NIM1K: variants seen among roughly 807,000 people sequenced by gnomAD.
The protein encoded by NIM1K is serine/threonine-protein kinase NIM1.
Under a neutral mutation model 37.1 loss-of-function variants are expected in NIM1K, and 35 were observed. That is an observed-to-expected ratio of 0.94 (90% CI 0.72 to 1.25). The LOEUF is 1.25. Among genes scored for constraint, NIM1K ranks in the 50% most tolerant of loss-of-function variants. The pLI, the probability that NIM1K is intolerant of heterozygous loss-of-function variation, is 0.00. For missense variants in NIM1K, 564 were observed against 548.0 expected, an observed-to-expected ratio of 1.03 and a Z score of -0.29; for synonymous variants, 234 against 206.6, an observed-to-expected ratio of 1.13 and a Z score of -1.14.
At chr5:43,259,571 G>A (rs1752997737) in intron 2 of NIM1K, among the ~76,000 whole-genome samples, 1 of 152,102 alleles carries the variant, frequency 6.6e-6, no homozygotes, top group Non-Finnish European at 1.5e-5. Flanking sequence ...TTGGCCATTT[G>A]TATGTCTTCT....
intron 2 of NIM1K, among the ~76,000 whole-genome samples, chr5:43,271,144 G>A (rs1294239617): frequency 1.3e-5 from 2 of 150,564 alleles, no homozygotes; most frequent in African/African-American, 2.4e-5. Context: ...ATTTATATAT[G>A]TGAAATACCT....
chr5:43,257,722 T>G (rs1226469265), intron 2 of NIM1K, among the ~76,000 whole-genome samples: 1 of 151,672 alleles, frequency 6.6e-6, no homozygotes, highest in Non-Finnish European at 1.5e-5. Flanking sequence ...GAGAGGGAAG[T>G]GGAGTCAAGA....
chr5:43,280,546 G>A lies in NIM1K; in HGVS notation c.1128G>A (p.Gly376=). ...ITEEHIRNNQ[G]RDARSSITGV... ...AAGAGCATATTCGAAATAACCAAGG[G>A]AGAGATGCTCGCAGCTCAATCACAG... Residue 376 remains glycine, a synonymous_variant, in exon 4 of 4, where the codon GGG becomes GGA. Coordinates refer to ENST00000326035, the MANE Select transcript of NIM1K (RefSeq NM_153361.4). 6.2e-7 allele frequency: 1 copy of A among 1,614,144 alleles called. No individual in the cohort carries two copies. Among genetic ancestry groups the A allele is most frequent in the Middle Eastern group, 1.6e-4 (1 of 6,062 alleles).
intron 1 of NIM1K, among the ~76,000 whole-genome samples, chr5:43,223,816 C>A (rs1291181273): frequency 6.6e-6 from 1 of 152,158 alleles, no homozygotes; most frequent in East Asian, 1.9e-4. Context: ...TAAATGAATT[C>A]CTGCCTGAGA....
chr5:43,243,318 T>C (rs572778570), intron 1 of NIM1K, among the ~76,000 whole-genome samples: 1 of 152,350 alleles, frequency 6.6e-6, no homozygotes, highest in Admixed American at 6.5e-5. Flanking sequence ...TTCTAGTCTG[T>C]CATAAGCTGC....
intron 1 of NIM1K, chr5:43,232,797 C>T: frequency 1.9e-6 from 2 of 1,076,194 alleles, no homozygotes; most frequent in Non-Finnish European, 2.8e-6. Flanking sequence ...ACTGTTCAGC[C>T]AGTTTACAAA....
Position 43,224,374 on chromosome 5 carries a change from G to A in NIM1K, c.-694-20708G>A, listed in dbSNP as rs540380850. ...GAGAATCGCTTGAACCCGGGAGGCA[G>A]AGGTGGCAGTGAGCTGAGATTGTGC... On this transcript the variant is annotated intron_variant, in intron 1 of 3. Transcript: ENST00000326035. 9.2e-5 allele frequency among the ~76,000 whole-genome samples: 14 copies of A among 151,570 alleles called. No individual in the cohort carries two copies. The East Asian group carries it at 2.7e-3, about 30-fold the overall frequency.
chr5:43,230,949 T>A (rs1236269003), intron 1 of NIM1K, among the ~76,000 whole-genome samples: 6 of 152,238 alleles, frequency 3.9e-5, no homozygotes, highest in African/African-American at 1.4e-4. Flanking sequence ...TATGGGTGTG[T>A]CTTGGAATAG....
intron 2 of NIM1K, among the ~76,000 whole-genome samples, chr5:43,274,885 A>C (rs1753315069): frequency 6.6e-6 from 1 of 152,234 alleles, no homozygotes; most frequent in Non-Finnish European, 1.5e-5. Context: ...TTTTGTAAGT[A>C]GGTCAAACAG....
At chr5:43,234,242 T>TTTCATTCA (rs56064948) in intron 1 of NIM1K, among the ~76,000 whole-genome samples, 6,289 of 151,238 alleles carry the variant, frequency 0.042, 188 homozygotes, top group Non-Finnish European at 0.062. Flanking sequence ...CGTGTCATTC[T>TTTCATTCA]TTCATTCATT....
chr5:43,218,988 C>T (rs1024707457), intron 1 of NIM1K, among the ~76,000 whole-genome samples: 19 of 152,042 alleles, frequency 1.2e-4, no homozygotes, highest in African/African-American at 4.3e-4. Flanking sequence ...GAAGGTTTCC[C>T]CATCGGTTCT....
rs936199927 is a variant in NIM1K at position 43,254,225 on chromosome 5, G to A, written c.292+8158G>A. Among the ~76,000 whole-genome samples, 5 of 152,166 alleles carry A rather than the reference G, an allele frequency of 3.3e-5. 1 individual carries two copies. Among genetic ancestry groups the A allele is most frequent in the African/African-American group, 7.2e-5 (3 of 41,436 alleles). On this transcript the variant is annotated intron_variant, in intron 2 of 3. Transcript: ENST00000326035. ...TATGGGTGAGAGCAGGACGGGACAT[G>A]GGAGAGGAAGAATTGACGATGACTC...
chr5:43,252,064 T>C (rs140114832), intron 2 of NIM1K, among the ~76,000 whole-genome samples: 5 of 151,764 alleles, frequency 3.3e-5, no homozygotes, highest in African/African-American at 1.2e-4. Context: ...GAGAAGTTTC[T>C]ACAAGCCGGG....
intron 2 of NIM1K, among the ~76,000 whole-genome samples, chr5:43,272,341 CCT>C (rs1287471493): frequency 6.6e-6 from 1 of 152,030 alleles, no homozygotes; most frequent in African/African-American, 2.4e-5. Flanking sequence ...AGTACATCCC[CCT>C]GTTTTATGCT....
At chr5:43,270,433 A>G (rs1753238476) in intron 2 of NIM1K, among the ~76,000 whole-genome samples, 1 of 152,228 alleles carries the variant, frequency 6.6e-6, no homozygotes, top group Non-Finnish European at 1.5e-5. Flanking sequence ...GAGAGATTCC[A>G]GTAGGTTGGA....
chr5:43,263,095 G>T lies in NIM1K; in HGVS notation c.293-13962G>T, dbSNP rs562297572. On this transcript the variant is annotated intron_variant, in intron 2 of 3. Transcript: ENST00000326035. ...TCTTTTTTTGTTGTGTCTCTTCCAG[G>T]TTTTGGTATTAGGATGTTGCTGGCC... Among the ~76,000 whole-genome samples, 19 of 152,300 alleles carry T rather than the reference G, an allele frequency of 1.2e-4. No homozygotes were observed. In the South Asian group the frequency reaches 3.9e-3, roughly 32 times the overall value.
Position 43,232,654 on chromosome 5 carries a change from G to A in NIM1K, c.-694-12428G>A, listed in dbSNP as rs1752557887. On this transcript the variant is annotated intron_variant, in intron 1 of 3. Transcript: ENST00000326035. ...TACAGCTGTGGAAACCTGGGGTGGT[G>A]AGTAAATGGAGAACTGCAGCTTGGA... is the stretch of plus-strand genomic sequence containing the variant. The A allele has an allele frequency of 3.2e-6, 5 of 1,542,388 alleles. No individual in the cohort carries two copies. In the African/African-American group the frequency reaches 5.5e-5, roughly 17 times the overall value.
intron 1 of NIM1K, among the ~76,000 whole-genome samples, chr5:43,195,872 GAA>G (rs1429902427): frequency 6.6e-6 from 1 of 152,128 alleles, no homozygotes; most frequent in Non-Finnish European, 1.5e-5. Flanking sequence ...TTAATAGAAA[GAA>G]AGTAAAAGCG....
intron 1 of NIM1K, among the ~76,000 whole-genome samples, chr5:43,227,527 C>A (rs1752474698): frequency 6.6e-6 from 1 of 152,138 alleles, no homozygotes; most frequent in South Asian, 2.1e-4. Flanking sequence ...TTCCATATCC[C>A]TGTGTTTCCC....
Sources: gnomAD v4.1 joint callset for allele counts (sites outside exome capture counted in the v4.1 genomes callset) on GRCh38, gnomAD v4.1.1 for gene constraint, MANE v1.5 for transcripts, NCBI Gene and HGNC (gene_info 2026-07-23, HGNC 2026-07-21) for gene names.